The following NEO1 variants were observed in gnomAD, a reference collection of about 807,000 sequenced individuals.
NEO1 encodes neogenin.
In NEO1, 63 loss-of-function variants were observed where a neutral mutation model predicts 159.7. The observed-to-expected ratio is 0.39, with a 90% CI of 0.32 to 0.49. The LOEUF (loss-of-function observed/expected upper bound fraction) is 0.49. Ranked by LOEUF, NEO1 falls within the 20% of genes least tolerant of loss-of-function variation. The pLI is 0.85. For missense variants in NEO1, 1,615 were observed against 1,831.0 expected (o/e 0.88, Z 2.15); for synonymous variants, 633 against 662.0 (o/e 0.96, Z 0.67).
Position 73,253,372 on chromosome 15 carries a change from AATTT to A in NEO1, c.1895-27_1895-24del. On this transcript the variant is annotated intron_variant, in intron 11 of 28. Coordinates refer to ENST00000261908, the MANE Select transcript of NEO1 (RefSeq NM_002499.4). The stretch of plus-strand genomic sequence containing the variant: ...GTGATGTATGGGTGATTAAAAAAAA[AATTT>A]TTTTTTTTTTTTTGTTTCTCTAGTT... 1.0e-5 allele frequency: 14 copies of A among 1,386,382 alleles called. No individual in the cohort carries two copies. The highest frequency in any genetic ancestry group is 2.0e-5 in the Admixed American group (1 of 50,214). The allele number at this position is 1,386,382 out of a possible 1,614,324, so 85.9% of individuals were successfully genotyped here.
At chr15:73,196,259 A>G (rs2036526769) in intron 7 of NEO1, among the ~76,000 whole-genome samples, 1 of 152,182 alleles carries the variant, frequency 6.6e-6, no homozygotes, top group Non-Finnish European at 1.5e-5. Flanking sequence ...TAAAATTAAA[A>G]CATCTCTCTT....
chr15:73,204,785 G>T (rs963876638), intron 7 of NEO1, among the ~76,000 whole-genome samples: 1 of 151,994 alleles, frequency 6.6e-6, no homozygotes, highest in Non-Finnish European at 1.5e-5. Context: ...TCAGACTGGG[G>T]TTTTTCTTGT....
At chr15:73,175,237 C>G (rs2035214556) in intron 5 of NEO1, among the ~76,000 whole-genome samples, 1 of 152,032 alleles carries the variant, frequency 6.6e-6, no homozygotes, top group South Asian at 2.1e-4. Flanking sequence ...TTTAGGATGG[C>G]CACAGGATAA....
chr15:73,251,192 CA>C (rs929962600), intron 11 of NEO1, among the ~76,000 whole-genome samples: 1 of 152,036 alleles, frequency 6.6e-6, no homozygotes, highest in African/African-American at 2.4e-5. Context: ...CACTGTTTTC[CA>C]TGGGCTTGAC....
At chr15:73,183,858 C>A (rs1055952579) in intron 7 of NEO1, among the ~76,000 whole-genome samples, 2 of 152,126 alleles carry the variant, frequency 1.3e-5, no homozygotes, top group Non-Finnish European at 2.9e-5. Context: ...GTAACTATAA[C>A]AATAAAATCC....
In NEO1 at chr15:73,155,042, A is replaced by G. The variant is rs188570374; in HGVS notation, c.1015+19015A>G. Among the ~76,000 whole-genome samples the G allele has an allele frequency of 6.7e-5, 10 of 149,972 alleles. No individual in the cohort carries two copies. The East Asian group carries it at 9.8e-4, about 15-fold the overall frequency. ...GTTTTTTTTTTTAACTTGTGTTGTC[A>G]TGGTGGTGAATGTCAACCTTTCATT... On this transcript the variant is annotated intron_variant, in intron 5 of 28. Transcript: ENST00000261908.
chr15:73,143,754 CCT>C (rs1221138419), intron 5 of NEO1, among the ~76,000 whole-genome samples: 3 of 152,172 alleles, frequency 2.0e-5, no homozygotes, highest in Admixed American at 1.3e-4. Flanking sequence ...GCAGTGTTCC[CCT>C]GTGTCCCCTT....
At chr15:73,112,044 C>T (rs1049263912) in intron 1 of NEO1, among the ~76,000 whole-genome samples, 4 of 152,032 alleles carry the variant, frequency 2.6e-5, no homozygotes, top group Admixed American at 2.0e-4. Context: ...CCTATCTTTC[C>T]TCTCCCAGTA....
chr15:73,159,605 C>T (rs2034026013), intron 5 of NEO1, among the ~76,000 whole-genome samples: 1 of 152,134 alleles, frequency 6.6e-6, no homozygotes, highest in Non-Finnish European at 1.5e-5. Context: ...ACAAAAATGA[C>T]TTCAGCCACT....
intron 7 of NEO1, among the ~76,000 whole-genome samples, chr15:73,193,993 C>G (rs1228959044): frequency 6.6e-6 from 1 of 151,920 alleles, no homozygotes; most frequent in African/African-American, 2.4e-5. Flanking sequence ...TGGAGAATAG[C>G]CAGCATCTCG....
In NEO1 at chr15:73,270,542, C is replaced by T; in HGVS notation, c.2857+88C>T. On this transcript the variant is annotated intron_variant, in intron 18 of 28. Coordinates refer to ENST00000261908, the MANE Select transcript of NEO1 (RefSeq NM_002499.4). ...CCTGAATTGACATATTTACAAAACACAGTGAGCAACTACATTTGGAATTCA... is the reference window on the plus strand; with the variant it reads ...CCTGAATTGACATATTTACAAAACATAGTGAGCAACTACATTTGGAATTCA... 3 of 1,369,116 alleles carry T rather than the reference C, an allele frequency of 2.2e-6. No individual in the cohort carries two copies. The South Asian group carries it at 4.3e-5, about 20-fold the overall frequency. The allele number at this position is 1,369,116 out of a possible 1,614,324, so 84.8% of individuals were successfully genotyped here.
chr15:73,119,297 A>G (rs1438232593), intron 2 of NEO1, among the ~76,000 whole-genome samples: 1 of 152,230 alleles, frequency 6.6e-6, no homozygotes, highest in South Asian at 2.1e-4. Context: ...ACCTAAAAAA[A>G]TTCTGCCAAA....
chr15:73,231,957 T>G (rs985285835), intron 7 of NEO1, among the ~76,000 whole-genome samples: 1 of 152,208 alleles, frequency 6.6e-6, no homozygotes, highest in Non-Finnish European at 1.5e-5. Flanking sequence ...GACAGTTTCT[T>G]TAGTTCTTAG....
chr15:73,222,896 C>G (rs960817687), intron 7 of NEO1, among the ~76,000 whole-genome samples: 2 of 152,074 alleles, frequency 1.3e-5, no homozygotes, highest in Admixed American at 6.6e-5. Flanking sequence ...CTCTTTCAGT[C>G]TCTGATGTAG....
At chr15:73,230,322 T>A (rs1233952552) in intron 7 of NEO1, among the ~76,000 whole-genome samples, 1 of 152,184 alleles carries the variant, frequency 6.6e-6, no homozygotes, top group Non-Finnish European at 1.5e-5. Context: ...TCTGATTGGT[T>A]GGCAATTTTT....
intron 1 of NEO1, among the ~76,000 whole-genome samples, chr15:73,057,495 T>C (rs2067764701): frequency 1.3e-5 from 2 of 152,320 alleles, no homozygotes; most frequent in South Asian, 4.1e-4. Context: ...TCAGAGGAAA[T>C]GACTGTAGGT....
At chr15:73,258,708 A>T in intron 13 of NEO1, 58 bp from the exon 14 acceptor site, 1 of 1,410,426 alleles carries the variant, frequency 7.1e-7, no homozygotes, top group Admixed American at 1.7e-5. Flanking sequence ...AGGGATTATT[A>T]ATCTTTTGTT....
intron 7 of NEO1, among the ~76,000 whole-genome samples, chr15:73,184,103 A>T (rs920232403): frequency 2.6e-5 from 4 of 152,184 alleles, no homozygotes; most frequent in African/African-American, 9.7e-5. Flanking sequence ...AGATGTTCTT[A>T]GAAAATATAC....
At chr15:73,185,822 A>G (rs1488266315) in intron 7 of NEO1, among the ~76,000 whole-genome samples, 1 of 152,174 alleles carries the variant, frequency 6.6e-6, no homozygotes, top group East Asian at 1.9e-4. Context: ...ATGGGACAAT[A>G]TCAGAGGCTA....
Sources: gnomAD v4.1 joint callset for allele counts (sites outside exome capture counted in the v4.1 genomes callset) on GRCh38, gnomAD v4.1.1 for gene constraint, MANE v1.5 for transcripts, NCBI Gene and HGNC (gene_info 2026-07-23, HGNC 2026-07-21) for gene names.